The following SEMA3A variants were observed in gnomAD, a reference collection of about 807,000 sequenced individuals.
SEMA3A encodes the protein semaphorin-3A.
SEMA3A carries 29 observed loss-of-function variants against 97.9 expected under a neutral mutation model. That is an observed-to-expected ratio of 0.30 (90% CI 0.22 to 0.40). SEMA3A has a LOEUF of 0.40. Among genes scored for constraint, SEMA3A ranks in the 10% least tolerant of loss-of-function variants. SEMA3A has a pLI of 1.00. For missense variants in SEMA3A, 763 were observed against 951.3 expected, an observed-to-expected ratio of 0.80 and a Z score of 2.60; for synonymous variants, 321 against 323.7, an observed-to-expected ratio of 0.99 and a Z score of 0.09.
At chr7:84,068,424 T>TAAAAA (rs35381075) in intron 4 of SEMA3A, among the ~76,000 whole-genome samples, 1 of 111,482 alleles carries the variant, frequency 9.0e-6, no homozygotes. Context: ...AAAGTATAAT[T>TAAAAA]AAAAAAAAAA....
At chr7:84,073,686 A>G (rs1469181331) in intron 4 of SEMA3A, among the ~76,000 whole-genome samples, 1 of 152,058 alleles carries the variant, frequency 6.6e-6, no homozygotes, top group East Asian at 1.9e-4. Flanking sequence ...ACGATTTGCC[A>G]TAGCTTGGGA....
At chr7:84,223,337 G>A (rs1798921979) in intron 3 of SEMA3A, among the ~76,000 whole-genome samples, 1 of 151,772 alleles carries the variant, frequency 6.6e-6, no homozygotes, top group Non-Finnish European at 1.5e-5. Context: ...ATGTGTGTGT[G>A]TGCATGTATA....
chr7:84,101,057 T>A (rs1794945804), intron 4 of SEMA3A, among the ~76,000 whole-genome samples: 1 of 152,218 alleles, frequency 6.6e-6, no homozygotes, highest in South Asian at 2.1e-4. Context: ...TACAGCTGAC[T>A]AATCAGACTG....
At chr7:83,995,840 T>C (rs1232413405) in intron 12 of SEMA3A, among the ~76,000 whole-genome samples, 1 of 152,214 alleles carries the variant, frequency 6.6e-6, no homozygotes, top group Non-Finnish European at 1.5e-5. Context: ...GATTCTGACA[T>C]AGCCTATTGG....
chr7:84,205,246 C>T (rs923662343), intron 3 of SEMA3A, among the ~76,000 whole-genome samples: 1 of 152,196 alleles, frequency 6.6e-6, no homozygotes, highest in Non-Finnish European at 1.5e-5. Flanking sequence ...GTCAATAGCA[C>T]TCTTTACTAT....
At chr7:84,261,846 C>A (rs1395735559) in intron 3 of SEMA3A, among the ~76,000 whole-genome samples, 1 of 152,240 alleles carries the variant, frequency 6.6e-6, no homozygotes, top group African/African-American at 2.4e-5. Flanking sequence ...AAAGGTGCCA[C>A]CAGTCACAGA....
intron 2 of SEMA3A, among the ~76,000 whole-genome samples, chr7:84,322,463 T>C (rs1801671506): frequency 6.6e-6 from 1 of 151,902 alleles, no homozygotes. Flanking sequence ...CAGGGCCAGG[T>C]GGAGATAATT....
At chr7:84,321,872 G>GGA (rs1313442553) in intron 2 of SEMA3A, among the ~76,000 whole-genome samples, 2 of 12,076 alleles carry the variant, frequency 1.7e-4, no homozygotes, top group Admixed American at 1.2e-3. Flanking sequence ...CGAGACTACG[G>GGA]AAAAAAAAAA....
chr7:84,315,260 T>C (rs1350722058), intron 2 of SEMA3A, among the ~76,000 whole-genome samples: 1 of 152,108 alleles, frequency 6.6e-6, no homozygotes, highest in Non-Finnish European at 1.5e-5. Flanking sequence ...AATATTCTCC[T>C]CCAGATTTTT....
intron 3 of SEMA3A, among the ~76,000 whole-genome samples, chr7:84,295,948 T>C (rs1303502661): frequency 3.3e-5 from 5 of 152,114 alleles, no homozygotes; most frequent in Admixed American, 2.6e-4. Context: ...ACACTACTCA[T>C]GTTGTGTTAG....
At chr7:84,408,307 G>C (rs1288882934) in intron 1 of SEMA3A, among the ~76,000 whole-genome samples, 1 of 152,088 alleles carries the variant, frequency 6.6e-6, no homozygotes, top group Admixed American at 6.6e-5. Flanking sequence ...CACCATCACT[G>C]GCCATCAGAG....
chr7:84,057,270 T>C (rs1366699578), intron 5 of SEMA3A, among the ~76,000 whole-genome samples: 1 of 152,080 alleles, frequency 6.6e-6, no homozygotes, highest in Non-Finnish European at 1.5e-5. Flanking sequence ...AATGAAAAAA[T>C]AAAATTGCTC....
At chr7:84,108,770 C>T (rs551623108) in intron 4 of SEMA3A, among the ~76,000 whole-genome samples, 140 of 151,884 alleles carry the variant, frequency 9.2e-4, no homozygotes, top group Non-Finnish European at 1.6e-3. Flanking sequence ...CCGGACATGT[C>T]GGCTTGCACC....
At chr7:84,169,593 G>A (rs534921950) in intron 1 of SEMA3A, among the ~76,000 whole-genome samples, 1 of 150,132 alleles carries the variant, frequency 6.7e-6, no homozygotes, top group Admixed American at 6.7e-5. Flanking sequence ...TTGAAACGTA[G>A]ATTCATAATA....
intron 1 of SEMA3A, among the ~76,000 whole-genome samples, chr7:84,441,490 T>G (rs1805272525): frequency 6.6e-6 from 1 of 151,854 alleles, no homozygotes; most frequent in Non-Finnish European, 1.5e-5. Flanking sequence ...ACATCAGAAA[T>G]TTTTTGGTAT....
At chr7:84,470,751 C>G (rs574379453) in intron 1 of SEMA3A, among the ~76,000 whole-genome samples, 25 of 152,092 alleles carry the variant, frequency 1.6e-4, no homozygotes, top group African/African-American at 6.0e-4. Context: ...TTAGCATTAG[C>G]TCTAGAAGAA....
intron 1 of SEMA3A, among the ~76,000 whole-genome samples, chr7:84,454,613 T>A (rs1470513038): frequency 6.6e-6 from 1 of 152,092 alleles, no homozygotes; most frequent in African/African-American, 2.4e-5. Flanking sequence ...TAATTTTCAG[T>A]GAAATATTGT....
chr7:84,277,435 T>G (rs1267727876), intron 3 of SEMA3A, among the ~76,000 whole-genome samples: 1 of 152,106 alleles, frequency 6.6e-6, no homozygotes, highest in African/African-American at 2.4e-5. Flanking sequence ...AATGAGCACA[T>G]TCACTACTGA....
intron 4 of SEMA3A, among the ~76,000 whole-genome samples, chr7:84,079,709 G>A (rs989047189): frequency 1.7e-5 from 2 of 118,018 alleles, no homozygotes; most frequent in Admixed American, 8.4e-5. Context: ...AACAACAGGT[G>A]CTGGAGAGGA....
Sources: gnomAD v4.1 joint callset for allele counts (sites outside exome capture counted in the v4.1 genomes callset) on GRCh38, gnomAD v4.1.1 for gene constraint, MANE v1.5 for transcripts, NCBI Gene and HGNC (gene_info 2026-07-23, HGNC 2026-07-21) for gene names.